The following PTPRG variants were observed in gnomAD, a reference collection of about 807,000 sequenced individuals.
PTPRG encodes the protein receptor-type tyrosine-protein phosphatase gamma.
PTPRG carries 102 observed loss-of-function variants against 165.3 expected under a neutral mutation model. The ratio of observed to expected loss-of-function variants is 0.62; its 90% CI spans 0.53 to 0.73. The LOEUF (loss-of-function observed/expected upper bound fraction) is 0.73. PTPRG is among the 30% of genes least tolerant of loss of function. PTPRG has a pLI of 0.00. For synonymous variants in PTPRG, 675 were observed against 669.5 expected, an observed-to-expected ratio of 1.01 and a Z score of -0.13; for missense variants, 1,866 against 1,861.4, an observed-to-expected ratio of 1.00 and a Z score of -0.05.
At chr3:61,591,279 T>C (rs1001363435) in intron 1 of PTPRG, among the ~76,000 whole-genome samples, 13 of 152,338 alleles carry the variant, frequency 8.5e-5, no homozygotes, top group African/African-American at 3.1e-4. Flanking sequence ...CTCCCCTTCT[T>C]ATGGTACTGG....
rs535128757 is a variant in PTPRG at position 62,268,917 on chromosome 3, T to C, written c.2875-118T>C. On this transcript the variant is annotated intron_variant, in intron 19 of 29. Coordinates refer to ENST00000474889, the MANE Select transcript of PTPRG (RefSeq NM_002841.4). Reference sequence around the variant, plus strand: ...AAGCAGTTAAACTCACGTATTCCTTTTTCAGTCAACTAAATGGCAATCTCA... The same window carrying C: ...AAGCAGTTAAACTCACGTATTCCTTCTTCAGTCAACTAAATGGCAATCTCA... The C allele has an allele frequency of 3.9e-5, 45 of 1,168,664 alleles. 2 individuals carry two copies. In the South Asian group the frequency reaches 6.6e-4, roughly 17 times the overall value. 72.4% of individuals were successfully genotyped at this position (1,168,664 alleles called of 1,614,324 possible).
intron 2 of PTPRG, among the ~76,000 whole-genome samples, chr3:61,903,371 C>CT (rs1359745969): frequency 6.6e-6 from 1 of 152,094 alleles, no homozygotes; most frequent in Non-Finnish European, 1.5e-5. Flanking sequence ...CTATTGGCTT[C>CT]TTTTTTTATT....
chr3:61,809,267 A>G (rs1455783109), intron 2 of PTPRG, among the ~76,000 whole-genome samples: 2 of 151,914 alleles, frequency 1.3e-5, no homozygotes, highest in Non-Finnish European at 1.5e-5. Context: ...TAATTATATT[A>G]CCATACTAGA....
At chr3:62,269,301 C>G in intron 20 of PTPRG, 132 bp downstream of exon 20, 4 of 952,792 alleles carry the variant, frequency 4.2e-6, no homozygotes, top group Non-Finnish European at 5.9e-6. Context: ...TTTTTCATAA[C>G]TCTTTTGATT....
At chr3:62,084,675 G>T (rs562389832) in intron 5 of PTPRG, among the ~76,000 whole-genome samples, 1 of 152,142 alleles carries the variant, frequency 6.6e-6, no homozygotes, top group African/African-American at 2.4e-5. Context: ...CAGGGCTGGC[G>T]AGGAAGCCTT....
intron 1 of PTPRG, among the ~76,000 whole-genome samples, chr3:61,653,731 T>A (rs1702426057): frequency 6.6e-6 from 1 of 152,132 alleles, no homozygotes; most frequent in Admixed American, 6.5e-5. Context: ...CAGGGTAACC[T>A]CTTCCTGTAT....
At chr3:61,841,869 T>G (rs1224954140) in intron 2 of PTPRG, among the ~76,000 whole-genome samples, 1 of 151,886 alleles carries the variant, frequency 6.6e-6, no homozygotes, top group Non-Finnish European at 1.5e-5. Context: ...GTACCAGAGC[T>G]CTAAGAGTTA....
intron 1 of PTPRG, among the ~76,000 whole-genome samples, chr3:61,681,045 T>G (rs1184737064): frequency 1.6e-5 from 2 of 125,092 alleles, no homozygotes; most frequent in African/African-American, 6.2e-5. Flanking sequence ...ATCTTATATC[T>G]TTATGTTCTA....
intron 7 of PTPRG, among the ~76,000 whole-genome samples, chr3:62,162,259 C>T (rs1047940021): frequency 3.3e-5 from 5 of 152,110 alleles, no homozygotes; most frequent in African/African-American, 7.2e-5. Context: ...ATATACACTT[C>T]GAGCCAACAC....
chr3:62,146,847 T>G (rs1034721299), intron 6 of PTPRG, among the ~76,000 whole-genome samples: 2 of 152,216 alleles, frequency 1.3e-5, no homozygotes, highest in African/African-American at 4.8e-5. Context: ...AAGTAGGCAC[T>G]AGGCCAGATT....
chr3:62,201,640 ATGTTG>A, intron 11 of PTPRG, 86 bp downstream of exon 11: 2 of 1,380,178 alleles, frequency 1.4e-6, no homozygotes, highest in Non-Finnish European at 2.0e-6. Flanking sequence ...TGGCAGTATA[ATGTTG>A]TTAAACTGCT....
chr3:61,953,887 C>T (rs1351511302), intron 2 of PTPRG, among the ~76,000 whole-genome samples: 1 of 151,834 alleles, frequency 6.6e-6, no homozygotes, highest in African/African-American at 2.4e-5. Flanking sequence ...ATCTGCTGCT[C>T]TCTTCAGATG....
At position 62,191,587 on chromosome 3, in the gene PTPRG, C is replaced by A. The variant is rs1476626107; in HGVS notation, c.1152C>A (p.Ser384=). 6.2e-7 allele frequency: 1 copy of A among 1,614,046 alleles called. No homozygotes were observed. Among genetic ancestry groups the A allele is most frequent in the African/African-American group, 1.3e-5 (1 of 74,918 alleles). Residue 384 remains serine, a synonymous_variant, in exon 9 of 30, where the codon TCC becomes TCA. Coordinates refer to ENST00000474889, the MANE Select transcript of PTPRG (RefSeq NM_002841.4). ...CACCCATCATGAACTACATGATCTC[C>A]TACAGCTGGACCAAGAATGAGGACG... ...YHPPIMNYMI[S]YSWTKNEDEK...
intron 1 of PTPRG, among the ~76,000 whole-genome samples, chr3:61,717,123 C>T (rs1363975931): frequency 1.3e-5 from 2 of 152,126 alleles, no homozygotes; most frequent in Admixed American, 6.5e-5. Context: ...CATGGATTCA[C>T]GTGTTGTAAA....
rs1403220538 is a variant in PTPRG, at chr3:61,753,543, A to T, written c.190+4561A>T. The T allele has an allele frequency of 2.3e-5, 10 of 442,216 alleles. No homozygotes were observed. The East Asian group carries it at 6.3e-4, about 28-fold the overall frequency. The allele number at this position is 442,216 out of a possible 1,614,324, so 27.4% of individuals were successfully genotyped here. A position where few individuals can be genotyped will look rare whatever the true frequency, so the allele number is the denominator to read the frequency against. ...TCAATGCAGGAAAGAGAAATGAAAA[A>T]TAAATCATAAATCTAGAGTAACTTC... On this transcript the variant is annotated intron_variant, in intron 2 of 29. Coordinates refer to ENST00000474889, the MANE Select transcript of PTPRG (RefSeq NM_002841.4).
intron 1 of PTPRG, among the ~76,000 whole-genome samples, chr3:61,593,396 A>G (rs1441891080): frequency 1.7e-4 from 9 of 53,212 alleles, no homozygotes; most frequent in Non-Finnish European, 4.5e-4. Context: ...AAAATAATGA[A>G]TTGGAAAAAA....
At chr3:61,654,242 C>T (rs963487009) in intron 1 of PTPRG, among the ~76,000 whole-genome samples, 1 of 152,120 alleles carries the variant, frequency 6.6e-6, no homozygotes, top group African/African-American at 2.4e-5. Context: ...CCACCCCCTG[C>T]ACCCATATGC....
intron 2 of PTPRG, among the ~76,000 whole-genome samples, chr3:61,937,584 A>T (rs1039358808): frequency 1.3e-5 from 2 of 152,244 alleles, no homozygotes; most frequent in African/African-American, 4.8e-5. Context: ...TACTCTGATG[A>T]AGGCAGCTGA....
chr3:61,742,588 A>G (rs1323046278), intron 1 of PTPRG: 2 of 1,597,056 alleles, frequency 1.3e-6, no homozygotes, highest in Admixed American at 1.7e-5. Flanking sequence ...ATCGGCTGTC[A>G]TCTTCACGTG....
Sources: gnomAD v4.1 joint callset for allele counts (sites outside exome capture counted in the v4.1 genomes callset) on GRCh38, gnomAD v4.1.1 for gene constraint, MANE v1.5 for transcripts, NCBI Gene and HGNC (gene_info 2026-07-23, HGNC 2026-07-21) for gene names.